ISY1: variants seen among roughly 807,000 people sequenced by gnomAD.
The protein encoded by ISY1 is pre-mRNA-splicing factor ISY1 homolog.
In ISY1, 12 loss-of-function variants were observed where a neutral mutation model predicts 54.4. That is an observed-to-expected ratio of 0.22 (90% CI 0.14 to 0.36). The LOEUF is 0.36. ISY1 is among the 10% of genes least tolerant of loss of function. ISY1 has a pLI of 1.00. For synonymous variants in ISY1, 96 were observed against 117.9 expected, an observed-to-expected ratio of 0.81 and a Z score of 1.20; for missense variants, 282 against 342.2, an observed-to-expected ratio of 0.82 and a Z score of 1.39.
chr3:129,158,992 G>T (rs1937224347), intron 2 of ISY1, among the ~76,000 whole-genome samples, 162 bp downstream of exon 2: 1 of 152,100 alleles, frequency 6.6e-6, no homozygotes, highest in Admixed American at 6.5e-5. Flanking sequence ...AAACAAATGG[G>T]CAAAAACAGG....
At chr3:129,151,069 C>T (rs1936951431) in intron 5 of ISY1, among the ~76,000 whole-genome samples, 1 of 150,246 alleles carries the variant, frequency 6.7e-6, no homozygotes. Flanking sequence ...TTGCAGTGAG[C>T]CGAGACTGGG....
intron 5 of ISY1, among the ~76,000 whole-genome samples, chr3:129,152,383 T>C (rs1936999487): frequency 1.3e-5 from 2 of 152,136 alleles, no homozygotes; most frequent in Admixed American, 1.3e-4. Context: ...TGTGATGTAT[T>C]ATCCTTTTTA....
At chr3:129,137,914 C>CA (rs1175621872) in intron 7 of ISY1, among the ~76,000 whole-genome samples, 1,585 of 37,458 alleles carry the variant, frequency 0.042, 44 homozygotes, top group Middle Eastern at 0.067. Flanking sequence ...GACTCCATGT[C>CA]AAAAAAAAAA....
rs944816049 is a variant in ISY1, at chr3:129,159,284, C to A, written c.4-108G>T. ...TACAAGAATACAATCACAAGCAAAC[C>A]ACTTGAAGTACTATATGAACAACAA... On this transcript the variant is annotated intron_variant, in intron 1 of 10. Coordinates refer to ENST00000393295, the MANE Select transcript of ISY1 (RefSeq NM_020701.4). 24 of 1,401,890 alleles carry A rather than the reference C, an allele frequency of 1.7e-5. No homozygotes were observed. In the African/African-American group the frequency reaches 3.2e-4, roughly 19 times the overall value. The allele number at this position is 1,401,890 out of a possible 1,614,324, so 86.8% of individuals were successfully genotyped here.
chr3:129,151,356 T>C (rs987888306), intron 5 of ISY1, among the ~76,000 whole-genome samples: 36 of 151,836 alleles, frequency 2.4e-4, no homozygotes, highest in Non-Finnish European at 4.6e-4. Context: ...TAGGTGGGCA[T>C]GGTGGCTCAT....
At chr3:129,149,909 C>T (rs187226769) in intron 5 of ISY1, among the ~76,000 whole-genome samples, 82 of 149,138 alleles carry the variant, frequency 5.5e-4, no homozygotes, top group Non-Finnish European at 1.1e-3. Flanking sequence ...AAGAGGTGGA[C>T]GCTGCAGTGA....
chr3:129,140,597 G>A (rs1936578204), intron 6 of ISY1, 112 bp from the exon 7 acceptor site: 3 of 1,179,530 alleles, frequency 2.5e-6, no homozygotes, highest in Non-Finnish European at 3.5e-6. Flanking sequence ...TTTATTTGAG[G>A]TGGAGTCTCG....
At chr3:129,136,153 G>C (rs1280692386) in intron 7 of ISY1, among the ~76,000 whole-genome samples, 1 of 151,806 alleles carries the variant, frequency 6.6e-6, no homozygotes, top group South Asian at 2.1e-4. Flanking sequence ...CCAGGCTGGA[G>C]TGCAATGGCA....
intron 5 of ISY1, among the ~76,000 whole-genome samples, chr3:129,153,885 C>A (rs9289340): frequency 0.93 from 140,936 of 152,174 alleles, 65,662 homozygotes; most frequent in East Asian, 0.99. Context: ...AGGGTGGATC[C>A]CCTGAGGTCA....
At chr3:129,144,219 G>C (rs554857991) in intron 6 of ISY1, 1 of 371,566 alleles carries the variant, frequency 2.7e-6, no homozygotes, top group South Asian at 2.1e-5. Flanking sequence ...GAGAAGATTG[G>C]CATATAAAAA....
At chr3:129,158,433 A>C in intron 3 of ISY1, 75 bp downstream of exon 3, 1 of 1,591,850 alleles carries the variant, frequency 6.3e-7, no homozygotes, top group African/African-American at 1.3e-5. Context: ...TATTGGGATT[A>C]CAGGCATGAG....
At chr3:129,154,118 T>C (rs1937058770) in intron 5 of ISY1, among the ~76,000 whole-genome samples, 1 of 151,748 alleles carries the variant, frequency 6.6e-6, no homozygotes, top group Non-Finnish European at 1.5e-5. Flanking sequence ...GGTGGGCGCC[T>C]GTAGTCCCAG....
intron 4 of ISY1, 24 bp from the exon 5 acceptor site, chr3:129,156,699 T>TTAA: frequency 6.3e-7 from 1 of 1,584,690 alleles, no homozygotes; most frequent in Non-Finnish European, 8.6e-7. Flanking sequence ...GTAATACATT[T>TTAA]TAATAATTTT....
intron 5 of ISY1, 79 bp from the exon 6 acceptor site, chr3:129,145,952 T>G: frequency 1.4e-6 from 2 of 1,403,232 alleles, no homozygotes; most frequent in Non-Finnish European, 2.0e-6. Flanking sequence ...TAGTATCATA[T>G]CCTTAAAATG....
chr3:129,145,389 A>G lies in ISY1; in HGVS notation c.300+372T>C, dbSNP rs564674089. On this transcript the variant is annotated intron_variant, in intron 6 of 10. Transcript: ENST00000393295. ...AGGCGTGCACCACCACACACAGCTA[A>G]TTTTTGTATTTTTAGAAAAGATGGG... Among the ~76,000 whole-genome samples, 8 of 152,108 alleles carry G rather than the reference A, an allele frequency of 5.3e-5. No homozygotes were observed. The South Asian group carries it at 1.7e-3, about 32-fold the overall frequency.
chr3:129,156,976 A>G (rs1425979178), intron 3 of ISY1, 56 bp from the exon 4 acceptor site: 37 of 1,595,732 alleles, frequency 2.3e-5, no homozygotes, highest in Non-Finnish European at 5.1e-6. Context: ...TTCAAACAAC[A>G]TTCAGAACTG....
At chr3:129,154,439 CAAAAAAAAAAA>C (rs58548903) in intron 5 of ISY1, among the ~76,000 whole-genome samples, 2 of 33,410 alleles carry the variant, frequency 6.0e-5, no homozygotes, top group Non-Finnish European at 1.3e-4. Flanking sequence ...GACTCCATCT[CAAAAAAAAAAA>C]AAAAAAAAAA....
rs1471226271 is a variant in ISY1 at position 129,139,311 on chromosome 3, G to T, written c.418+1057C>A. Among the ~76,000 whole-genome samples the T allele has an allele frequency of 2.4e-4, 37 of 152,158 alleles. 1 individual carries two copies. The highest frequency in any genetic ancestry group is 2.4e-3 in the Admixed American group (37 of 15,268). ...TTTAAACTCTGAATTATTTTTAAGG[G>T]ATGGTAGTGGCCTATGCAAAACTAG... is the stretch of plus-strand genomic sequence containing the variant. On this transcript the variant is annotated intron_variant, in intron 7 of 10. Coordinates refer to ENST00000393295, the MANE Select transcript of ISY1 (RefSeq NM_020701.4).
chr3:129,154,058 C>T (rs1460910891), intron 5 of ISY1, among the ~76,000 whole-genome samples: 5 of 151,474 alleles, frequency 3.3e-5, no homozygotes, highest in African/African-American at 1.2e-4. Context: ...CTGGCTAACA[C>T]GGTGAAACCC....
Sources: allele counts gnomAD v4.1 joint callset (sites outside exome capture counted in the v4.1 genomes callset), GRCh38; gene constraint gnomAD v4.1.1; transcripts MANE v1.5; gene names NCBI Gene and HGNC (gene_info 2026-07-23, HGNC 2026-07-21).